Variants in RBFOX1 observed in about 807,000 individuals in gnomAD.
The protein encoded by RBFOX1 is RNA binding fox-1 homolog 1.
Under a neutral mutation model 57.7 loss-of-function variants are expected in RBFOX1, and 8 were observed. The ratio of observed to expected loss-of-function variants is 0.14; its 90% CI spans 0.08 to 0.25. RBFOX1 has a LOEUF of 0.25. Among genes scored for constraint, RBFOX1 ranks in the 10% least tolerant of loss-of-function variants. RBFOX1 has a pLI of 1.00. For missense variants in RBFOX1, 611 were observed against 548.5 expected, an observed-to-expected ratio of 1.11 and a Z score of -1.14; for synonymous variants, 326 against 222.4, an observed-to-expected ratio of 1.47 and a Z score of -4.15.
intron 2 of RBFOX1, among the ~76,000 whole-genome samples, chr16:5,553,735 A>T (rs934116325): frequency 1.3e-5 from 2 of 151,520 alleles, no homozygotes; most frequent in Non-Finnish European, 2.9e-5. Flanking sequence ...ATATATGTAT[A>T]TATATGTGTG....
chr16:7,303,274 TG>T (rs895524446), intron 4 of RBFOX1, among the ~76,000 whole-genome samples: 4 of 152,314 alleles, frequency 2.6e-5, no homozygotes, highest in African/African-American at 9.6e-5. Flanking sequence ...GGTGCTCTGC[TG>T]GGGGGCGCAG....
intron 4 of RBFOX1, among the ~76,000 whole-genome samples, chr16:7,456,490 A>G (rs780186370): frequency 9.2e-5 from 14 of 152,230 alleles, no homozygotes; most frequent in Non-Finnish European, 1.6e-4. Flanking sequence ...AACTCCCAGC[A>G]TTGTTTGCCA....
At chr16:6,198,586 T>A (rs1444983234) in intron 1 of RBFOX1, among the ~76,000 whole-genome samples, 1 of 152,174 alleles carries the variant, frequency 6.6e-6, no homozygotes, top group African/African-American at 2.4e-5. Flanking sequence ...AGAGATTGGA[T>A]TAGATAATTC....
chr16:6,867,480 G>A (rs553589042), intron 3 of RBFOX1, among the ~76,000 whole-genome samples: 42 of 152,080 alleles, frequency 2.8e-4, no homozygotes, highest in African/African-American at 9.2e-4. Flanking sequence ...GCACTTTGGG[G>A]GGCCGAGACA....
chr16:6,426,492 G>A (rs898887820), intron 2 of RBFOX1, among the ~76,000 whole-genome samples: 11 of 152,124 alleles, frequency 7.2e-5, no homozygotes, highest in African/African-American at 1.2e-4. Flanking sequence ...TAGGCCTGGT[G>A]TGGTGATGCA....
intron 3 of RBFOX1, among the ~76,000 whole-genome samples, chr16:6,783,218 A>G (rs2081323855): frequency 6.6e-6 from 1 of 152,052 alleles, no homozygotes; most frequent in Middle Eastern, 3.4e-3. Context: ...TGGAGAATGA[A>G]GTCCGTTTAC....
At chr16:5,515,799 T>C (rs569555898) in intron 2 of RBFOX1, among the ~76,000 whole-genome samples, 2 of 152,342 alleles carry the variant, frequency 1.3e-5, no homozygotes, top group Non-Finnish European at 2.9e-5. Flanking sequence ...TTCAGCCTTC[T>C]AAGAGGGCAG....
intron 4 of RBFOX1, among the ~76,000 whole-genome samples, chr16:5,893,580 G>T (rs2058093753): frequency 6.6e-6 from 1 of 152,176 alleles, no homozygotes; most frequent in African/African-American, 2.4e-5. Flanking sequence ...GCTGAGGCGG[G>T]TGGATCACCT....
Position 6,019,413 on chromosome 16 carries a change from A to G in RBFOX1, c.-706A>G. 2 of 986,662 alleles carry G rather than the reference A, an allele frequency of 2.0e-6. No individual in the cohort carries two copies. Among genetic ancestry groups the G allele is most frequent in the African/African-American group, 1.7e-5 (1 of 57,338 alleles). 61.1% of individuals were successfully genotyped at this position (986,662 alleles called of 1,614,324 possible). A position where few individuals can be genotyped will look rare whatever the true frequency, so the allele number is the denominator to read the frequency against. On this transcript the variant is annotated 5_prime_UTR_variant, in exon 1 of 16. Coordinates refer to ENST00000550418, the MANE Select transcript of RBFOX1 (RefSeq NM_018723.4). This position sits in a 1 kb window ranked among gnomAD's most constrained non-coding sequence, Gnocchi z 4.2. ...CTCCAAGCAGCGCGGAGGGTGGCGGACGGCGGACGGAGCCCAGGGGCCGCG... is the reference window on the plus strand; with the variant it reads ...CTCCAAGCAGCGCGGAGGGTGGCGGGCGGCGGACGGAGCCCAGGGGCCGCG...
intron 4 of RBFOX1, among the ~76,000 whole-genome samples, chr16:7,160,753 A>G (rs1407207176): frequency 1.3e-5 from 2 of 149,398 alleles, no homozygotes; most frequent in African/African-American, 4.9e-5. Context: ...ACCTATGTCT[A>G]TTCCTCCTCC....
intron 1 of RBFOX1, among the ~76,000 whole-genome samples, chr16:5,287,136 C>G (rs2063414875): frequency 6.6e-6 from 1 of 152,070 alleles, no homozygotes; most frequent in African/African-American, 2.4e-5. Context: ...GAGACCCTGT[C>G]TCTGCAAAGA....
intron 2 of RBFOX1, among the ~76,000 whole-genome samples, chr16:6,524,476 T>A (rs2096551856): frequency 1.3e-5 from 2 of 152,186 alleles, no homozygotes; most frequent in African/African-American, 4.8e-5. Context: ...CGAAGCGTGT[T>A]TGTCTTCCAT....
chr16:7,163,034 A>G lies in RBFOX1; in HGVS notation c.27+110936A>G, dbSNP rs189334064. Among the ~76,000 whole-genome samples the G allele has an allele frequency of 2.6e-5, 4 of 152,340 alleles. No individual in the cohort carries two copies. The East Asian group carries it at 5.8e-4, about 22-fold the overall frequency. ...ATGCAGACTTCTTTGTATGATGTCT[A>G]AGGTCACAGAGCAGGTATTATGCCC... On this transcript the variant is annotated intron_variant, in intron 4 of 15. Transcript: ENST00000550418.
At chr16:5,314,222 C>G (rs545478359) in intron 1 of RBFOX1, among the ~76,000 whole-genome samples, 4 of 152,308 alleles carry the variant, frequency 2.6e-5, no homozygotes, top group East Asian at 1.9e-4. Context: ...GGAGTCTAAG[C>G]TTAGGCAACC....
intron 4 of RBFOX1, among the ~76,000 whole-genome samples, chr16:7,438,732 T>G (rs2098742051): frequency 6.6e-6 from 1 of 152,218 alleles, no homozygotes; most frequent in African/African-American, 2.4e-5. Context: ...TTTATTGAGC[T>G]GAGGCTATGG....
intron 1 of RBFOX1, among the ~76,000 whole-genome samples, chr16:5,456,060 A>G (rs924170153): frequency 6.6e-6 from 1 of 152,144 alleles, no homozygotes; most frequent in Non-Finnish European, 1.5e-5. Context: ...AGTAAAATAC[A>G]CAAGAAGAAA....
intron 3 of RBFOX1, among the ~76,000 whole-genome samples, chr16:6,869,624 T>C (rs2060525230): frequency 6.6e-6 from 1 of 152,144 alleles, no homozygotes; most frequent in African/African-American, 2.4e-5. Flanking sequence ...ATAATTGGAA[T>C]CTGTTTTCAA....
At chr16:7,327,704 T>C (rs773528911) in intron 4 of RBFOX1, among the ~76,000 whole-genome samples, 10 of 152,180 alleles carry the variant, frequency 6.6e-5, no homozygotes, top group Non-Finnish European at 1.3e-4. Flanking sequence ...TTCGCAGATA[T>C]GATTATTGGT....
chr16:6,315,532 C>CATGG (rs59618973), intron 1 of RBFOX1, among the ~76,000 whole-genome samples: 155 of 141,968 alleles, frequency 1.1e-3, no homozygotes, highest in East Asian at 3.5e-3. Context: ...TGGGTGAGTA[C>CATGG]ATGGATGGAT....
Sources: allele counts gnomAD v4.1 joint callset (sites outside exome capture counted in the v4.1 genomes callset), GRCh38; gene constraint gnomAD v4.1.1; non-coding constraint Gnocchi (gnomAD v3.1); transcripts MANE v1.5; gene names NCBI Gene and HGNC (gene_info 2026-07-23, HGNC 2026-07-21).